Variants in CCDC60 observed in about 807,000 individuals in gnomAD.
The protein encoded by CCDC60 is coiled-coil domain-containing protein 60.
CCDC60 carries 54 observed loss-of-function variants against 63.5 expected under a neutral mutation model. The ratio of observed to expected loss-of-function variants is 0.85; its 90% confidence interval spans 0.68 to 1.07. The LOEUF (loss-of-function observed/expected upper bound fraction) is 1.07. CCDC60 is among the 50% of genes least tolerant of loss of function. CCDC60 has a pLI of 0.00. For missense variants in CCDC60, 651 were observed against 684.3 expected (o/e 0.95, Z 0.54); for synonymous variants, 206 against 238.8 (o/e 0.86, Z 1.27).
intron 4 of CCDC60, among the ~76,000 whole-genome samples, chr12:119,481,964 C>CATATATATATAGTATATATATGTATATAT (rs1555249296): frequency 2.4e-5 from 3 of 122,660 alleles, no homozygotes; most frequent in African/African-American, 1.1e-4. Context: ...AGTATTCCAT[C>CATATATATATAGTATATATATGTATATAT]ATATATATAT....
intron 12 of CCDC60, among the ~76,000 whole-genome samples, chr12:119,530,474 C>T (rs1952810223): frequency 1.3e-5 from 2 of 152,152 alleles, no homozygotes; most frequent in South Asian, 4.2e-4. Context: ...ACACACACAC[C>T]GTCGTGTGTG....
rs73408224 is a variant in CCDC60 at position 119,502,047 on chromosome 12, G to A, written c.648+1879G>A. On this transcript the variant is annotated intron_variant, in intron 6 of 13. Coordinates refer to ENST00000327554, the MANE Select transcript of CCDC60 (RefSeq NM_178499.5). ...CTTTTCCCCTGATACTCTTCTGTAT[G>A]TCTAGGCAGTGTTCATAGGGGCCAG... is the stretch of plus-strand genomic sequence containing the variant. 1.9e-3 allele frequency among the ~76,000 whole-genome samples: 296 copies of A among 152,286 alleles called. 1 individual carries two copies. The highest frequency in any genetic ancestry group is 6.8e-3 in the African/African-American group (281 of 41,562).
At chr12:119,534,920 T>C (rs1952960546) in intron 13 of CCDC60, among the ~76,000 whole-genome samples, 1 of 152,234 alleles carries the variant, frequency 6.6e-6, no homozygotes, top group African/African-American at 2.4e-5. Context: ...ATCAGGATGA[T>C]GTTGGCCTCA....
chr12:119,523,908 A>C, intron 11 of CCDC60, 90 bp downstream of exon 11: 5 of 1,369,472 alleles, frequency 3.7e-6, no homozygotes, highest in Non-Finnish European at 5.0e-6. Context: ...GGGCTATATC[A>C]CAAACAAGAA....
chr12:119,531,766 T>C (rs544957152), intron 13 of CCDC60, among the ~76,000 whole-genome samples: 2 of 152,258 alleles, frequency 1.3e-5, no homozygotes, highest in East Asian at 1.9e-4. Context: ...AAGGTCAAGA[T>C]AAAAATTTAG....
At chr12:119,513,054 T>C (rs1952255344) in intron 7 of CCDC60, among the ~76,000 whole-genome samples, 1 of 152,148 alleles carries the variant, frequency 6.6e-6, no homozygotes, top group South Asian at 2.1e-4. Flanking sequence ...AGGGACAACC[T>C]CACACTGTGA....
At chr12:119,433,381 C>A in intron 2 of CCDC60, 1 of 702,094 alleles carries the variant, frequency 1.4e-6, no homozygotes, top group South Asian at 1.5e-5. Flanking sequence ...CTCGGACACC[C>A]TTAGCCTCTC....
At position 119,499,932 on chromosome 12, in the gene CCDC60, C is replaced by G. The variant is rs1042480259; in HGVS notation, c.558-146C>G. The G allele has an allele frequency of 4.4e-6, 3 of 686,724 alleles. No individual in the cohort carries two copies. In the East Asian group the frequency reaches 8.0e-5, roughly 18 times the overall value. 42.5% of individuals were successfully genotyped at this position (686,724 alleles called of 1,614,324 possible). On this transcript the variant is annotated intron_variant, in intron 5 of 13. Coordinates refer to ENST00000327554, the MANE Select transcript of CCDC60 (RefSeq NM_178499.5). ...GCCAGCTATGGAGAACTATCCCCCC[C>G]ATTTCTTCACAAGTAGAGGAGTGGG...
At chr12:119,397,069 TG>T in intron 1 of CCDC60, among the ~76,000 whole-genome samples, 1 of 152,052 alleles carries the variant, frequency 6.6e-6, no homozygotes, top group East Asian at 1.9e-4. Flanking sequence ...GCAGGGCATC[TG>T]GAGTTGTTCG....
intron 1 of CCDC60, among the ~76,000 whole-genome samples, chr12:119,346,004 T>C (rs553504559): frequency 2.0e-5 from 3 of 148,946 alleles, no homozygotes; most frequent in African/African-American, 2.5e-5. Flanking sequence ...TTTTTTTTTT[T>C]AGTAGAGATG....
intron 11 of CCDC60, among the ~76,000 whole-genome samples, chr12:119,524,716 C>CTT (rs1416953138): frequency 7.4e-4 from 67 of 90,550 alleles, no homozygotes; most frequent in African/African-American, 1.0e-3. Flanking sequence ...CTTTTCTTTT[C>CTT]TTTTCTTTTT....
chr12:119,487,678 TCTCTGA>T (rs1390137538), intron 4 of CCDC60, among the ~76,000 whole-genome samples: 18 of 152,116 alleles, frequency 1.2e-4, no homozygotes. Context: ...TGATGGCACC[TCTCTGA>T]GCCTCAGTTT....
At chr12:119,440,790 T>G (rs1224152831) in intron 2 of CCDC60, among the ~76,000 whole-genome samples, 2 of 152,224 alleles carry the variant, frequency 1.3e-5, no homozygotes, top group Middle Eastern at 3.4e-3. Flanking sequence ...TGAAGCTGGA[T>G]TGCCCTTTAG....
At chr12:119,493,793 T>C (rs1951653940) in intron 5 of CCDC60, among the ~76,000 whole-genome samples, 1 of 152,224 alleles carries the variant, frequency 6.6e-6, no homozygotes, top group African/African-American at 2.4e-5. Context: ...AAGTATTTAT[T>C]CAAACCCTTA....
At chr12:119,396,524 G>T (rs576785649) in intron 1 of CCDC60, among the ~76,000 whole-genome samples, 1 of 152,186 alleles carries the variant, frequency 6.6e-6, no homozygotes, top group African/African-American at 2.4e-5. Context: ...CTTTGGTGTG[G>T]GCCCTTTCCC....
chr12:119,398,613 CA>C (rs2136217903), intron 1 of CCDC60, among the ~76,000 whole-genome samples: 1 of 152,366 alleles, frequency 6.6e-6, no homozygotes, highest in Non-Finnish European at 1.5e-5. Flanking sequence ...CTATCCTGGG[CA>C]GCAGAGCAAA....
intron 5 of CCDC60, among the ~76,000 whole-genome samples, chr12:119,493,587 A>T (rs1951644834): frequency 6.6e-6 from 1 of 152,198 alleles, no homozygotes; most frequent in African/African-American, 2.4e-5. Context: ...ATTTAAACAC[A>T]TTATCACTAT....
chr12:119,443,157 T>C (rs1950479101), intron 2 of CCDC60, among the ~76,000 whole-genome samples: 1 of 152,238 alleles, frequency 6.6e-6, no homozygotes, highest in Admixed American at 6.5e-5. Context: ...AGTAACATCC[T>C]AGGCTCAGCC....
intron 1 of CCDC60, among the ~76,000 whole-genome samples, chr12:119,415,298 G>A (rs1034069886): frequency 1.3e-5 from 2 of 152,204 alleles, no homozygotes; most frequent in African/African-American, 2.4e-5. Flanking sequence ...TGAACTGATA[G>A]CACAAAAGCA....
Sources: allele counts gnomAD v4.1 joint callset (sites outside exome capture counted in the v4.1 genomes callset), GRCh38; gene constraint gnomAD v4.1.1; transcripts MANE v1.5; gene names NCBI Gene and HGNC (gene_info 2026-07-23, HGNC 2026-07-21).